ERBB4: variants seen among roughly 807,000 people sequenced by gnomAD.
The protein encoded by ERBB4 is erb-b2 receptor tyrosine kinase 4, also known as receptor tyrosine-protein kinase erbB-4.
Under a neutral mutation model 158.0 loss-of-function variants are expected in ERBB4, and 42 were observed. That is an observed-to-expected ratio of 0.27 (90% confidence interval 0.21 to 0.34). The LOEUF (loss-of-function observed/expected upper bound fraction) is 0.34, where lower values mean the gene tolerates loss of function less well. Among genes scored for constraint, ERBB4 ranks in the 10% least tolerant of loss-of-function variants. ERBB4 has a pLI of 1.00. For synonymous variants in ERBB4, 583 were observed against 558.7 expected, an observed-to-expected ratio of 1.04 and a Z score of -0.61; for missense variants, 1,333 against 1,624.1, an observed-to-expected ratio of 0.82 and a Z score of 3.08.
At chr2:212,042,903 T>C (rs970499935) in intron 2 of ERBB4, among the ~76,000 whole-genome samples, 11 of 152,160 alleles carry the variant, frequency 7.2e-5, no homozygotes, top group African/African-American at 2.7e-4. Context: ...GGAGAAACAT[T>C]ATGAGCTATG....
At chr2:212,124,550 A>G (rs1207937926) in intron 2 of ERBB4, 1 of 595,642 alleles carries the variant, frequency 1.7e-6, no homozygotes, top group South Asian at 1.9e-5. Context: ...ACTGCTTTAA[A>G]CTCAGGAGCG....
chr2:212,037,140 T>C (rs1177667863), intron 2 of ERBB4, among the ~76,000 whole-genome samples: 1 of 152,102 alleles, frequency 6.6e-6, no homozygotes, highest in East Asian at 1.9e-4. Flanking sequence ...TGTTTTTGTT[T>C]TGTTTGTTTG....
intron 25 of ERBB4, among the ~76,000 whole-genome samples, chr2:211,397,042 C>A (rs902624280): frequency 6.6e-5 from 10 of 152,156 alleles, no homozygotes; most frequent in Non-Finnish European, 1.2e-4. Context: ...CAGCCCAGAG[C>A]AAACACTAGT....
chr2:211,415,213 T>C (rs1356008459), intron 25 of ERBB4, among the ~76,000 whole-genome samples: 2 of 141,506 alleles, frequency 1.4e-5, no homozygotes. Flanking sequence ...GCCTCCCGGG[T>C]TCACGCCATT....
intron 3 of ERBB4, among the ~76,000 whole-genome samples, chr2:211,900,378 A>ACG (rs2125029731): frequency 7.6e-6 from 1 of 132,276 alleles, no homozygotes; most frequent in Non-Finnish European, 1.6e-5. Context: ...GTTTAAACAC[A>ACG]CACACACACA....
intron 1 of ERBB4, among the ~76,000 whole-genome samples, chr2:212,508,229 T>TG (rs1462604178): frequency 6.6e-6 from 1 of 152,158 alleles, no homozygotes; most frequent in Non-Finnish European, 1.5e-5. Flanking sequence ...TTTATATGTG[T>TG]GGGGAAAAAA....
intron 3 of ERBB4, among the ~76,000 whole-genome samples, chr2:211,836,543 C>T (rs543936035): frequency 6.6e-6 from 1 of 152,128 alleles, no homozygotes; most frequent in East Asian, 1.9e-4. Context: ...ACATACCAAA[C>T]TTCCAGAGTC....
chr2:212,335,578 T>A (rs2088397362), intron 1 of ERBB4, among the ~76,000 whole-genome samples: 3 of 152,000 alleles, frequency 2.0e-5, no homozygotes. Context: ...ATAACTGTTA[T>A]AAGGAATGCC....
intron 20 of ERBB4, among the ~76,000 whole-genome samples, chr2:211,547,069 T>G (rs2066959550): frequency 6.6e-6 from 1 of 152,042 alleles, no homozygotes; most frequent in African/African-American, 2.4e-5. Context: ...CACAAATTTG[T>G]GTAAAACCAG....
At chr2:211,513,695 A>G (rs374996950) in intron 20 of ERBB4, among the ~76,000 whole-genome samples, 8 of 152,242 alleles carry the variant, frequency 5.3e-5, no homozygotes, top group African/African-American at 1.9e-4. Flanking sequence ...CTGCTAGAGT[A>G]ATAGGTCTTT....
intron 1 of ERBB4, among the ~76,000 whole-genome samples, chr2:212,322,187 T>C (rs2087597127): frequency 6.6e-6 from 1 of 150,516 alleles, no homozygotes. Flanking sequence ...AGGCTGGAAC[T>C]GAAGAGTGAA....
At position 211,571,041 on chromosome 2, in the gene ERBB4, CTTTTTTTTTTT is replaced by C. The variant is rs549254649; in HGVS notation, c.2302-8964_2302-8954del. Among the ~76,000 whole-genome samples the C allele has an allele frequency of 1.7e-4, 18 of 109,080 alleles. No homozygotes were observed. In the South Asian group the frequency reaches 5.6e-3, roughly 34 times the overall value. The allele number at this position is 109,080 out of a possible 152,430, so 71.6% of individuals were successfully genotyped here. ...TTTTCACTCTCTGAGTACTCTTCTTCTTTTTTTTTTTTTTTTTTTTGAGACGGAGTCTTGCT... is the reference window on the plus strand; with the variant it reads ...TTTTCACTCTCTGAGTACTCTTCTTCTTTTTTTTTGAGACGGAGTCTTGCT... On this transcript the variant is annotated intron_variant, in intron 19 of 27. Transcript: ENST00000342788.
At chr2:212,079,623 T>C (rs922567317) in intron 2 of ERBB4, among the ~76,000 whole-genome samples, 5 of 152,122 alleles carry the variant, frequency 3.3e-5, no homozygotes, top group Non-Finnish European at 5.9e-5. Flanking sequence ...CAAATTTAGA[T>C]GGTACTATTA....
At chr2:212,025,818 A>C (rs749553403) in intron 2 of ERBB4, among the ~76,000 whole-genome samples, 2 of 151,662 alleles carry the variant, frequency 1.3e-5, no homozygotes, top group African/African-American at 4.8e-5. Flanking sequence ...AATTCATATA[A>C]ATTTCTTTCA....
intron 2 of ERBB4, among the ~76,000 whole-genome samples, chr2:211,959,909 C>T (rs752929797): frequency 7.2e-5 from 11 of 152,006 alleles, no homozygotes; most frequent in African/African-American, 1.4e-4. Context: ...TAAGATGCAA[C>T]GATGGAACCA....
intron 20 of ERBB4, among the ~76,000 whole-genome samples, chr2:211,469,312 T>G (rs2064774706): frequency 1.3e-5 from 2 of 152,150 alleles, no homozygotes; most frequent in African/African-American, 2.4e-5. Flanking sequence ...TATCAAAAAT[T>G]TGCCATGTGC....
chr2:211,742,040 T>C (rs2074818262), intron 5 of ERBB4, among the ~76,000 whole-genome samples: 2 of 152,206 alleles, frequency 1.3e-5, no homozygotes, highest in Non-Finnish European at 1.5e-5. Flanking sequence ...ATGGGAATAA[T>C]TGAAATCAAT....
At chr2:211,507,594 A>G (rs1574632238) in intron 20 of ERBB4, among the ~76,000 whole-genome samples, 1 of 152,158 alleles carries the variant, frequency 6.6e-6, no homozygotes, top group Admixed American at 6.5e-5. Flanking sequence ...ATAATCCCAC[A>G]TACCTACAGC....
At chr2:212,139,342 G>T (rs1298217687) in intron 1 of ERBB4, among the ~76,000 whole-genome samples, 1 of 151,912 alleles carries the variant, frequency 6.6e-6, no homozygotes, top group Non-Finnish European at 1.5e-5. Flanking sequence ...TACAATATTT[G>T]CTAGTATACA....
Sources: allele counts gnomAD v4.1 joint callset (sites outside exome capture counted in the v4.1 genomes callset), GRCh38; gene constraint gnomAD v4.1.1; transcripts MANE v1.5; gene names NCBI Gene and HGNC (gene_info 2026-07-23, HGNC 2026-07-21).